The following AUTS2 variants were observed in gnomAD, a reference collection of about 807,000 sequenced individuals.
The protein encoded by AUTS2 is activator of transcription and developmental regulator AUTS2.
Under a neutral mutation model 112.4 loss-of-function variants are expected in AUTS2, and 17 were observed. That is an observed-to-expected ratio of 0.15 (90% CI 0.10 to 0.23). The LOEUF is 0.23. AUTS2 is among the 10% of genes least tolerant of loss of function. AUTS2 has a pLI of 1.00. For synonymous variants in AUTS2, 751 were observed against 702.7 expected, an observed-to-expected ratio of 1.07 and a Z score of -1.09; for missense variants, 1,510 against 1,701.6, an observed-to-expected ratio of 0.89 and a Z score of 1.98.
chr7:69,934,887 C>T (rs971785638), intron 2 of AUTS2, among the ~76,000 whole-genome samples: 1 of 152,112 alleles, frequency 6.6e-6, no homozygotes, highest in East Asian at 1.9e-4. Flanking sequence ...TGCGTGTGTA[C>T]CTGTGGAAAG....
At chr7:70,593,975 C>T (rs550248540) in intron 5 of AUTS2, among the ~76,000 whole-genome samples, 2 of 152,338 alleles carry the variant, frequency 1.3e-5, no homozygotes, top group South Asian at 4.1e-4. Flanking sequence ...TTATTCTGCT[C>T]AGGGCAAAAT....
chr7:70,676,762 A>G (rs942274133), intron 5 of AUTS2, among the ~76,000 whole-genome samples: 10 of 152,056 alleles, frequency 6.6e-5, no homozygotes, highest in Admixed American at 3.3e-4. Context: ...CCATAATCCT[A>G]GCTACTCAGG....
At chr7:69,667,544 T>C (rs1400065888) in intron 1 of AUTS2, among the ~76,000 whole-genome samples, 1 of 151,844 alleles carries the variant, frequency 6.6e-6, no homozygotes. Flanking sequence ...TTAGTAGAGA[T>C]GGGGTTTCGC....
chr7:70,532,149 A>T (rs1800122422), intron 5 of AUTS2, among the ~76,000 whole-genome samples: 1 of 152,176 alleles, frequency 6.6e-6, no homozygotes, highest in Non-Finnish European at 1.5e-5. Context: ...AAGGAGCAGC[A>T]AGAGAGCAGG....
intron 1 of AUTS2, among the ~76,000 whole-genome samples, chr7:69,625,144 G>T (rs190492155): frequency 1.3e-5 from 2 of 152,306 alleles, no homozygotes; most frequent in Non-Finnish European, 2.9e-5. Context: ...TTGCTTTGGG[G>T]TTGTGGGACC....
intron 3 of AUTS2, among the ~76,000 whole-genome samples, chr7:70,122,843 C>G (rs1554317665): frequency 7.0e-6 from 1 of 143,872 alleles, no homozygotes; most frequent in Admixed American, 7.0e-5. Context: ...CTATGGCAAT[C>G]TGAAATCTGC....
chr7:70,624,274 A>G (rs781174585), intron 5 of AUTS2, among the ~76,000 whole-genome samples: 27 of 152,152 alleles, frequency 1.8e-4, no homozygotes, highest in Non-Finnish European at 3.2e-4. Flanking sequence ...GAGAATGCAA[A>G]TGATGTGACC....
At chr7:69,899,944 G>A (rs928407066) in intron 2 of AUTS2, among the ~76,000 whole-genome samples, 5 of 152,180 alleles carry the variant, frequency 3.3e-5, no homozygotes, top group African/African-American at 1.2e-4. Flanking sequence ...ATTTTCCGGG[G>A]AAGCTCAGAT....
At chr7:70,680,887 G>A (rs1354677049) in intron 5 of AUTS2, among the ~76,000 whole-genome samples, 1 of 152,160 alleles carries the variant, frequency 6.6e-6, no homozygotes, top group South Asian at 2.1e-4. Flanking sequence ...TAGGCGAGTG[G>A]CTATTTGAAA....
At chr7:69,757,025 C>CA (rs1275471610) in intron 1 of AUTS2, among the ~76,000 whole-genome samples, 2 of 152,144 alleles carry the variant, frequency 1.3e-5, no homozygotes, top group Non-Finnish European at 2.9e-5. Context: ...CAGACTTTTC[C>CA]AGAGATGAAA....
intron 1 of AUTS2, among the ~76,000 whole-genome samples, chr7:69,702,218 T>C (rs1220954040): frequency 6.6e-6 from 1 of 152,114 alleles, no homozygotes; most frequent in East Asian, 1.9e-4. Flanking sequence ...TTGGGGAAAG[T>C]AGGTACATAG....
chr7:70,115,251 T>C (rs537172303), intron 2 of AUTS2, among the ~76,000 whole-genome samples: 11 of 152,164 alleles, frequency 7.2e-5, no homozygotes, highest in Non-Finnish European at 1.3e-4. Flanking sequence ...GTTAAGCCAG[T>C]TGGATATTAG....
rs113194983 is a variant in AUTS2 at position 70,790,129 on chromosome 7, C to T, written c.2913C>T (p.Tyr971=). The change falls in exon 19 of 19, where the codon TAC becomes TAT. Residue 971 remains tyrosine (Y), a synonymous_variant. Coordinates refer to ENST00000342771, the MANE Select transcript of AUTS2 (RefSeq NM_015570.4). The surrounding 1 kb of genome is among the most constrained non-coding windows in gnomAD (Gnocchi z 7.6). ...AGCCGCGCAAGGGTGAGCCGGCCTA[C>T]GAGAACCCCAAGAAGAGCTCCGAGG... ...EAEPRKGEPA[Y]ENPKKSSEVK... The T allele has an allele frequency of 0.018, 29,558 of 1,605,466 alleles. 342 individuals are homozygous for T. The highest frequency in any genetic ancestry group is 0.023 in the Non-Finnish European group (26,834 of 1,176,888).
intron 4 of AUTS2, among the ~76,000 whole-genome samples, chr7:70,215,137 T>G (rs1355355347): frequency 6.6e-6 from 1 of 152,024 alleles, no homozygotes; most frequent in Non-Finnish European, 1.5e-5. Flanking sequence ...GTACAAAAAT[T>G]AGCTAGGTGC....
At chr7:70,027,985 C>G (rs2129556100) in intron 2 of AUTS2, among the ~76,000 whole-genome samples, 1 of 152,232 alleles carries the variant, frequency 6.6e-6, no homozygotes, top group Non-Finnish European at 1.5e-5. Flanking sequence ...TCATAATGTC[C>G]TTTTGTGGCT....
chr7:70,379,105 A>G (rs1325086553), intron 4 of AUTS2, among the ~76,000 whole-genome samples: 4 of 152,038 alleles, frequency 2.6e-5, no homozygotes, highest in African/African-American at 9.7e-5. Flanking sequence ...TACTACCTGT[A>G]GTCACTTTGG....
intron 1 of AUTS2, among the ~76,000 whole-genome samples, chr7:69,806,985 A>G (rs1417595856): frequency 6.6e-6 from 1 of 151,824 alleles, no homozygotes; most frequent in Non-Finnish European, 1.5e-5. Flanking sequence ...ATTTTTTTTT[A>G]GCTGGAAATT....
intron 1 of AUTS2, among the ~76,000 whole-genome samples, chr7:69,807,051 C>T (rs1277153085): frequency 6.6e-6 from 1 of 151,972 alleles, no homozygotes; most frequent in African/African-American, 2.4e-5. Flanking sequence ...TTTCCTGGAC[C>T]TCATGTTGCC....
chr7:70,209,226 G>A (rs951639575), intron 4 of AUTS2, among the ~76,000 whole-genome samples: 1 of 152,166 alleles, frequency 6.6e-6, no homozygotes, highest in Non-Finnish European at 1.5e-5. Flanking sequence ...AGTAAAAAGA[G>A]GAAGCAAGGA....
Sources: gnomAD v4.1 joint callset for allele counts (sites outside exome capture counted in the v4.1 genomes callset) on GRCh38, gnomAD v4.1.1 for gene constraint, Gnocchi (gnomAD v3.1) non-coding constraint, MANE v1.5 for transcripts, NCBI Gene and HGNC (gene_info 2026-07-23, HGNC 2026-07-21) for gene names.